MYRIP: variants seen among roughly 807,000 people sequenced by gnomAD.
MYRIP encodes myosin VIIA and Rab interacting protein.
In MYRIP, 49 loss-of-function variants were observed where a neutral mutation model predicts 98.0. The ratio of observed to expected loss-of-function variants is 0.50; its 90% CI spans 0.40 to 0.63. MYRIP has a LOEUF of 0.63. MYRIP is among the 30% of genes least tolerant of loss of function. The pLI is 0.00. For synonymous variants in MYRIP, 404 were observed against 409.5 expected, an observed-to-expected ratio of 0.99 and a Z score of 0.16; for missense variants, 1,004 against 1,058.2, an observed-to-expected ratio of 0.95 and a Z score of 0.71.
intron 3 of MYRIP, among the ~76,000 whole-genome samples, chr3:40,150,338 G>C (rs1950096342): frequency 1.3e-5 from 2 of 152,148 alleles, no homozygotes; most frequent in South Asian, 4.1e-4. Context: ...TGATCCACCT[G>C]CCTCGGCCTT....
At chr3:39,932,219 C>G (rs527723604) in intron 2 of MYRIP, among the ~76,000 whole-genome samples, 8 of 152,236 alleles carry the variant, frequency 5.3e-5, no homozygotes, top group African/African-American at 1.7e-4. Flanking sequence ...CTTGTCTTAC[C>G]TGGTGATGGA....
intron 3 of MYRIP, among the ~76,000 whole-genome samples, chr3:40,137,637 A>G (rs1949808851): frequency 6.6e-6 from 1 of 152,200 alleles, no homozygotes; most frequent in Admixed American, 6.5e-5. Flanking sequence ...AATCCTCAAT[A>G]AAATACTGGC....
chr3:40,202,352 G>A (rs771200648), intron 10 of MYRIP, among the ~76,000 whole-genome samples: 2 of 152,038 alleles, frequency 1.3e-5, no homozygotes, highest in Non-Finnish European at 2.9e-5. Flanking sequence ...CTCAGACTGG[G>A]GTTGCTTTTA....
At chr3:40,080,993 C>CGACCTATGTGTTAT (rs1357188329) in intron 3 of MYRIP, among the ~76,000 whole-genome samples, 13 of 151,638 alleles carry the variant, frequency 8.6e-5, no homozygotes, top group Non-Finnish European at 7.4e-5. Context: ...ATTTTTTCTT[C>CGACCTATGTGTTAT]GACCTATGTG....
At chr3:40,134,492 C>T (rs898194996) in intron 3 of MYRIP, among the ~76,000 whole-genome samples, 4 of 152,254 alleles carry the variant, frequency 2.6e-5, no homozygotes, top group African/African-American at 9.6e-5. Context: ...GCAATAACCT[C>T]TGCAGTCTTA....
At position 39,837,886 on chromosome 3, in the gene MYRIP, T is replaced by C. The variant is rs1575289919; in HGVS notation, c.-31+27970T>C. On this transcript the variant is annotated intron_variant, in intron 1 of 16. Coordinates refer to ENST00000302541, the MANE Select transcript of MYRIP (RefSeq NM_015460.4). ...TTCCATTTGTTCGTGTCCTCTCTTATTTCCTTGAACAGTGGTTTGTAGTTC... is the reference window on the plus strand; with the variant it reads ...TTCCATTTGTTCGTGTCCTCTCTTACTTCCTTGAACAGTGGTTTGTAGTTC... 2.6e-5 allele frequency among the ~76,000 whole-genome samples: 4 copies of C among 152,328 alleles called. No homozygotes were observed. The South Asian group carries it at 8.3e-4, about 32-fold the overall frequency.
chr3:40,101,185 C>T (rs1036096677), intron 3 of MYRIP, among the ~76,000 whole-genome samples: 1 of 152,138 alleles, frequency 6.6e-6, no homozygotes, highest in South Asian at 2.1e-4. Flanking sequence ...ACATACATAT[C>T]CCCCTTTCCT....
intron 9 of MYRIP, among the ~76,000 whole-genome samples, chr3:40,186,781 A>G (rs1951046816): frequency 6.6e-6 from 1 of 152,220 alleles, no homozygotes; most frequent in Non-Finnish European, 1.5e-5. Context: ...GTAAAAATCA[A>G]TATAACTACT....
At chr3:39,900,986 G>T in intron 2 of MYRIP, 60 bp downstream of exon 2, 2 of 1,280,542 alleles carry the variant, frequency 1.6e-6, no homozygotes, top group Non-Finnish European at 2.2e-6. Flanking sequence ...AGCGTAACAG[G>T]TTTCCTGAGG....
intron 3 of MYRIP, among the ~76,000 whole-genome samples, chr3:40,114,286 G>A (rs117876889): frequency 3.3e-5 from 5 of 152,210 alleles, no homozygotes; most frequent in East Asian, 1.9e-4. Context: ...GTACAATTAC[G>A]TGCTGTACAG....
At chr3:39,821,812 T>A (rs1034232986) in intron 1 of MYRIP, among the ~76,000 whole-genome samples, 1 of 152,186 alleles carries the variant, frequency 6.6e-6, no homozygotes, top group Non-Finnish European at 1.5e-5. Context: ...TTCCAGTTAT[T>A]TGAAATTTGT....
chr3:39,877,984 G>A (rs1943048824), intron 1 of MYRIP, among the ~76,000 whole-genome samples: 1 of 152,234 alleles, frequency 6.6e-6, no homozygotes, highest in Admixed American at 6.5e-5. Context: ...TCCTTGAGCT[G>A]TGGTGGGCTC....
At chr3:40,249,751 AGAT>A (rs1196973945) in intron 13 of MYRIP, among the ~76,000 whole-genome samples, 1 of 152,162 alleles carries the variant, frequency 6.6e-6, no homozygotes, top group Non-Finnish European at 1.5e-5. Flanking sequence ...TTAATGGAGG[AGAT>A]GGACTTGAAC....
At chr3:39,819,938 C>A (rs1329440004) in intron 1 of MYRIP, among the ~76,000 whole-genome samples, 1 of 152,172 alleles carries the variant, frequency 6.6e-6, no homozygotes, top group Admixed American at 6.5e-5. Context: ...TATATAACAT[C>A]ATCTGGGGCA....
intron 2 of MYRIP, among the ~76,000 whole-genome samples, chr3:39,952,531 T>C (rs1441410682): frequency 2.0e-5 from 3 of 152,348 alleles, no homozygotes; most frequent in Non-Finnish European, 2.9e-5. Flanking sequence ...ATAATTTGTA[T>C]GTATTTCTGG....
In MYRIP at chr3:40,051,964, T is replaced by C. The variant is rs570372024; in HGVS notation, c.332+7693T>C. 1.2e-4 allele frequency among the ~76,000 whole-genome samples: 19 copies of C among 152,284 alleles called. No individual in the cohort carries two copies. The South Asian group carries it at 1.4e-3, about 12-fold the overall frequency. On this transcript the variant is annotated intron_variant, in intron 3 of 16. Transcript: ENST00000302541. ...GTGACATTTTGATACCTGTATATAA[T>C]GTGTCGTGATCAAATCAGGGTAACT...
At chr3:40,187,233 T>C (rs59145059) in intron 9 of MYRIP, among the ~76,000 whole-genome samples, 2,318 of 152,288 alleles carry the variant, frequency 0.015, 60 homozygotes, top group African/African-American at 0.051. Context: ...TATCTCATAT[T>C]AATTCTAGTG....
intron 2 of MYRIP, among the ~76,000 whole-genome samples, chr3:39,993,599 C>T (rs186302450): frequency 1.3e-5 from 2 of 152,228 alleles, no homozygotes; most frequent in African/African-American, 4.8e-5. Context: ...CATGCCTTCT[C>T]TCTCCTCAAT....
intron 2 of MYRIP, among the ~76,000 whole-genome samples, chr3:40,015,575 G>C (rs1193056555): frequency 6.6e-6 from 1 of 152,174 alleles, no homozygotes; most frequent in East Asian, 1.9e-4. Flanking sequence ...CCTCTGCAAG[G>C]GAGCCAGATT....
Sources: gnomAD v4.1 joint callset for allele counts (sites outside exome capture counted in the v4.1 genomes callset) on GRCh38, gnomAD v4.1.1 for gene constraint, MANE v1.5 for transcripts, NCBI Gene and HGNC (gene_info 2026-07-23, HGNC 2026-07-21) for gene names.